The following ATP9A variants were observed in gnomAD, a reference collection of about 807,000 sequenced individuals.
ATP9A encodes the protein probable phospholipid-transporting ATPase IIA.
In ATP9A, 52 loss-of-function variants were observed where a neutral mutation model predicts 144.1. The observed-to-expected ratio is 0.36, with a 90% CI of 0.29 to 0.45. The LOEUF is 0.45. Among genes scored for constraint, ATP9A ranks in the 20% least tolerant of loss-of-function variants. The pLI, the probability that ATP9A is intolerant of heterozygous loss-of-function variation, is 1.00. For synonymous variants in ATP9A, 582 were observed against 557.4 expected (o/e 1.04, Z -0.62); for missense variants, 947 against 1,392.7 (o/e 0.68, Z 5.09).
At chr20:51,639,581 G>A (rs529951976) in intron 14 of ATP9A, 77 bp from the exon 15 acceptor site, 2 of 1,423,090 alleles carry the variant, frequency 1.4e-6, no homozygotes, top group South Asian at 2.7e-5. Context: ...GAACACAAAG[G>A]CAGAAGGGGG....
chr20:51,729,896 G>A lies in ATP9A; in HGVS notation c.151C>T (p.Gln51Ter). ...VWLGHPEKRD[Q>*]RYPRNVINNQ... ...TTGATGACATTCCGAGGATACCTCT[G>A]GTCTCTCTTCTCGGGGTGCCCCAGC... The change falls in exon 2 of 28, where the codon CAG becomes TAG. Residue 51 changes from glutamine (Q) to a stop codon, truncating the protein, a stop_gained. Coordinates refer to ENST00000338821, the MANE Select transcript of ATP9A (RefSeq NM_006045.3). LOFTEE classifies it high-confidence loss of function. The A allele has an allele frequency of 6.2e-7, 1 of 1,607,152 alleles. No homozygotes were observed. Among genetic ancestry groups the A allele is most frequent in the East Asian group, 2.2e-5 (1 of 44,652 alleles).
chr20:51,672,047 G>A (rs560858663), intron 11 of ATP9A, among the ~76,000 whole-genome samples: 1 of 152,084 alleles, frequency 6.6e-6, no homozygotes, highest in South Asian at 2.1e-4. Flanking sequence ...TGATCCACCC[G>A]TCTTGGCCTC....
chr20:51,679,027 TA>T (rs1175894145), intron 9 of ATP9A, among the ~76,000 whole-genome samples: 55 of 145,506 alleles, frequency 3.8e-4, no homozygotes, highest in Middle Eastern at 3.6e-3. Context: ...CTTGCCTATC[TA>T]AAAAAAAAAA....
chr20:51,673,092 G>A (rs1682274245), intron 11 of ATP9A, among the ~76,000 whole-genome samples: 1 of 152,052 alleles, frequency 6.6e-6, no homozygotes, highest in Admixed American at 6.6e-5. Context: ...TAAAAAACCA[G>A]GCCAGGTGCA....
In ATP9A at chr20:51,741,860, G is replaced by A. The variant is rs112065332; in HGVS notation, c.69-11882C>T. On this transcript the variant is annotated intron_variant, in intron 1 of 27. Transcript: ENST00000338821. ...AAGATGCTACTCTCATCTAGTGGAT[G>A]GAGGCAGCCAAGGATGCTGCGAGAC... Among the ~76,000 whole-genome samples, 1,115 of 152,296 alleles carry A rather than the reference G, an allele frequency of 7.3e-3. 15 individuals are homozygous for A. Among genetic ancestry groups the A allele is most frequent in the African/African-American group, 0.025 (1,041 of 41,572 alleles).
chr20:51,724,417 T>C (rs1009269869), intron 3 of ATP9A, among the ~76,000 whole-genome samples: 1 of 152,194 alleles, frequency 6.6e-6, no homozygotes, highest in South Asian at 2.1e-4. Flanking sequence ...CCCCCTGGAA[T>C]AGTCTCCTTC....
Position 51,625,314 on chromosome 20 carries a change from C to T in ATP9A, c.1894G>A (p.Val632Met), listed in dbSNP as rs201646039. The change falls in exon 18 of 28, where the codon GTG (valine) becomes ATG (methionine). Residue 632 changes from valine (V) to methionine (M), a missense_variant. This residue lies in a region of ATP9A where 770 missense variants were observed against 1,047.9 expected (regional missense o/e 0.73). Coordinates refer to ENST00000338821, the MANE Select transcript of ATP9A (RefSeq NM_006045.3). ...KLSVHDRSLKVATVIESLEME... is the reference protein window; with the variant it reads ...KLSVHDRSLKMATVIESLEME... ...TCCAGGCTCTCGATCACCGTGGCCA[C>T]TTTGAGGGAGCGGTCGTGCACACTC... The T allele has an allele frequency of 1.1e-5, 18 of 1,614,122 alleles. No homozygotes were observed. Among genetic ancestry groups the T allele is most frequent in the Non-Finnish European group, 1.4e-5 (17 of 1,180,046 alleles).
At chr20:51,649,400 A>G (rs1256985859) in intron 14 of ATP9A, among the ~76,000 whole-genome samples, 1 of 152,154 alleles carries the variant, frequency 6.6e-6, no homozygotes, top group East Asian at 1.9e-4. Context: ...CTTACACTTC[A>G]TCTACAAAAT....
chr20:51,685,204 TGAA>T (rs749676967), intron 9 of ATP9A, among the ~76,000 whole-genome samples: 4 of 152,066 alleles, frequency 2.6e-5, no homozygotes, highest in Non-Finnish European at 4.4e-5. Context: ...ATCAGGAGCA[TGAA>T]GAAGAAGAGG....
intron 14 of ATP9A, 41 bp from the exon 15 acceptor site, chr20:51,639,545 G>C (rs1420610605): frequency 6.4e-7 from 1 of 1,570,316 alleles, no homozygotes; most frequent in Non-Finnish European, 8.6e-7. Context: ...GCCCAGCCGA[G>C]AATCTGGGTT....
rs867929578 is a variant in ATP9A at position 51,713,026 on chromosome 20, G to A, written c.376C>T (p.Arg126Ter). ...TVIREAVEEI[R>*]CYVRDKEVNS... The stretch of plus-strand genomic sequence containing the variant: ...ACTTCCTTGTCCCGCACGTAGCATC[G>A]GATCTCCTCCACCGCCTCACGGATG... The change falls in exon 4 of 28, where the codon CGA (arginine) becomes TGA (stop). Residue 126 changes from arginine to a stop codon, truncating the protein, a stop_gained. Transcript: ENST00000338821. LOFTEE classifies it high-confidence loss of function. The A allele has an allele frequency of 6.2e-7, 1 of 1,613,052 alleles. No individual in the cohort carries two copies. Among genetic ancestry groups the A allele is most frequent in the Non-Finnish European group, 8.5e-7 (1 of 1,179,710 alleles).
intron 9 of ATP9A, among the ~76,000 whole-genome samples, chr20:51,678,009 A>G (rs1271881754): frequency 6.6e-6 from 1 of 151,916 alleles, no homozygotes; most frequent in East Asian, 1.9e-4. Context: ...GTGCCAAGAA[A>G]ATCAACACAG....
Position 51,602,317 on chromosome 20 carries a change from T to C in ATP9A, c.3008-970A>G, listed in dbSNP as rs75692875. Reference sequence around the variant, plus strand: ...ACTTTCTGAGCACAGGATGCTGAAATGCAGCTGCCACTGAGGCAGCACCTA... The same window carrying C: ...ACTTTCTGAGCACAGGATGCTGAAACGCAGCTGCCACTGAGGCAGCACCTA... On this transcript the variant is annotated intron_variant, in intron 27 of 27. Coordinates refer to ENST00000338821, the MANE Select transcript of ATP9A (RefSeq NM_006045.3). Among the ~76,000 whole-genome samples the C allele has an allele frequency of 3.2e-3, 492 of 152,326 alleles. 5 individuals are homozygous for C. The highest frequency in any genetic ancestry group is 0.011 in the African/African-American group (461 of 41,578).
rs1363983939 is a variant in ATP9A at position 51,625,294 on chromosome 20, G to A, written c.1914C>T (p.Ser638=). 1 of 1,614,064 alleles carries A rather than the reference G, an allele frequency of 6.2e-7. No individual in the cohort carries two copies. Among genetic ancestry groups the A allele is most frequent in the African/African-American group, 1.3e-5 (1 of 74,936 alleles). The change falls in exon 18 of 28, where the codon AGC becomes AGT. Residue 638 remains serine (S), a synonymous_variant. Coordinates refer to ENST00000338821, the MANE Select transcript of ATP9A (RefSeq NM_006045.3). ...ACAGCAGTTCCATCTCCATCTCCAG[G>A]CTCTCGATCACCGTGGCCACTTTGA... ...RSLKVATVIE[S]LEMEMELLCL... is the part of the protein sequence containing the mutation.
Position 51,690,719 on chromosome 20 carries a change from T to A in ATP9A, c.723+20A>T. 1 of 1,600,006 alleles carries A rather than the reference T, an allele frequency of 6.2e-7. No homozygotes were observed. Among genetic ancestry groups the A allele is most frequent in the African/African-American group, 1.3e-5 (1 of 74,760 alleles). The stretch of plus-strand genomic sequence containing the variant: ...ACACACTCCCGGTGACAGGATCCCA[T>A]GTGAAGGAAGCTCACTTACTCGGGT... On this transcript the variant is annotated intron_variant, in intron 8 of 27. Coordinates refer to ENST00000338821, the MANE Select transcript of ATP9A (RefSeq NM_006045.3).
chr20:51,717,523 G>C (rs771477857), intron 3 of ATP9A, among the ~76,000 whole-genome samples: 1 of 152,272 alleles, frequency 6.6e-6, no homozygotes, highest in Non-Finnish European at 1.5e-5. Context: ...CCAACTGCTG[G>C]AGGTGCCAAA....
chr20:51,713,194 G>T (rs1368205777), intron 3 of ATP9A, 120 bp from the exon 4 acceptor site: 6 of 818,676 alleles, frequency 7.3e-6, no homozygotes, highest in Non-Finnish European at 1.2e-5. Flanking sequence ...CAGGGGGGCA[G>T]GACCTGTGAG....
chr20:51,670,322 A>G (rs554238131), intron 12 of ATP9A, among the ~76,000 whole-genome samples: 2 of 152,286 alleles, frequency 1.3e-5, no homozygotes, highest in African/African-American at 4.8e-5. Context: ...GGGGAAATTA[A>G]CCACACCATG....
At chr20:51,760,782 T>C (rs1462057841) in intron 1 of ATP9A, among the ~76,000 whole-genome samples, 4 of 150,732 alleles carry the variant, frequency 2.7e-5, no homozygotes, top group African/African-American at 7.3e-5. Context: ...CGCAACACTT[T>C]GGGAGGCCGA....
Sources: gnomAD v4.1 joint callset for allele counts (sites outside exome capture counted in the v4.1 genomes callset) on GRCh38, gnomAD v4.1.1 for gene constraint, gnomAD v4.1.1 regional missense constraint, MANE v1.5 for transcripts, NCBI Gene and HGNC (gene_info 2026-07-23, HGNC 2026-07-21) for gene names.